SHANK2: variants seen among roughly 807,000 people sequenced by gnomAD.
SHANK2 encodes SH3 and multiple ankyrin repeat domains protein 2.
A neutral mutation model predicts 133.7 loss-of-function variants in SHANK2; 43 were observed. The ratio of observed to expected loss-of-function variants is 0.32; its 90% confidence interval spans 0.25 to 0.41. The LOEUF (loss-of-function observed/expected upper bound fraction) is 0.41, where lower values mean the gene tolerates loss of function less well. Ranked by LOEUF, SHANK2 falls within the 10% of genes least tolerant of loss-of-function variation. The pLI, the probability that SHANK2 is intolerant of heterozygous loss-of-function variation, is 1.00. For missense variants in SHANK2, 1,994 were observed against 2,235.8 expected, an observed-to-expected ratio of 0.89 and a Z score of 2.18; for synonymous variants, 1,017 against 952.8, an observed-to-expected ratio of 1.07 and a Z score of -1.24.
At chr11:70,729,073 G>A (rs895679547) in intron 14 of SHANK2, among the ~76,000 whole-genome samples, 5 of 151,964 alleles carry the variant, frequency 3.3e-5, no homozygotes, top group African/African-American at 4.8e-5. Flanking sequence ...GTGTGGTGGC[G>A]GGTGCTTGTA....
At chr11:70,952,338 C>A (rs1235322064) in intron 10 of SHANK2, among the ~76,000 whole-genome samples, 2 of 152,174 alleles carry the variant, frequency 1.3e-5, no homozygotes, top group African/African-American at 4.8e-5. Flanking sequence ...GAAACAAGTT[C>A]CATCTTGTTC....
intron 2 of SHANK2, among the ~76,000 whole-genome samples, chr11:71,206,862 G>C (rs1254623501): frequency 6.6e-6 from 1 of 152,078 alleles, no homozygotes; most frequent in Non-Finnish European, 1.5e-5. Flanking sequence ...GCTTGCTTGA[G>C]GCCAGGAGTT....
At chr11:71,101,496 C>T (rs1056195573) in intron 6 of SHANK2, among the ~76,000 whole-genome samples, 1 of 152,232 alleles carries the variant, frequency 6.6e-6, no homozygotes, top group Admixed American at 6.5e-5. Flanking sequence ...GTTATTTACT[C>T]GAAGTCTTCC....
At chr11:71,133,159 GGGT>G (rs1952353036) in intron 3 of SHANK2, among the ~76,000 whole-genome samples, 1 of 148,192 alleles carries the variant, frequency 6.7e-6, no homozygotes, top group East Asian at 2.0e-4. Context: ...AGGGAGGGAG[GGGT>G]GAGGTGGGTA....
intron 17 of SHANK2, among the ~76,000 whole-genome samples, chr11:70,523,022 G>A (rs536995293): frequency 2.0e-4 from 30 of 152,320 alleles, no homozygotes; most frequent in African/African-American, 6.3e-4. Flanking sequence ...CGAGGTCTCC[G>A]GCAGAGGGCT....
At chr11:70,524,328 G>T (rs782426478) in intron 17 of SHANK2, among the ~76,000 whole-genome samples, 2 of 152,208 alleles carry the variant, frequency 1.3e-5, no homozygotes, top group Non-Finnish European at 2.9e-5. Context: ...CAGCGTGGAT[G>T]CACAGAGTCC....
chr11:70,723,299 GTC>G (rs57815500), intron 14 of SHANK2, among the ~76,000 whole-genome samples: 267 of 145,440 alleles, frequency 1.8e-3, no homozygotes, highest in Non-Finnish European at 2.2e-3. Context: ...TGGAGGGTCT[GTC>G]TCTCTCTCTC....
rs782550195 is a variant in SHANK2 at position 70,479,487 on chromosome 11, CAG to C, written c.4979+5825_4979+5826del. ...ACATCCCAGGTAGCCTGAACTCCCT[CAG>C]GGGCCTCTGGGACCTGGAGTTTCAC... On this transcript the variant is annotated intron_variant, in intron 25 of 25. Coordinates refer to ENST00000601538, the MANE Select transcript of SHANK2 (RefSeq NM_012309.5). This position sits in a 1 kb window ranked among gnomAD's most constrained non-coding sequence, Gnocchi z 4.4. Among the ~76,000 whole-genome samples the C allele has an allele frequency of 2.6e-5, 4 of 152,226 alleles. No homozygotes were observed. Among genetic ancestry groups the C allele is most frequent in the Non-Finnish European group, 5.9e-5 (4 of 68,034 alleles).
At chr11:70,920,274 T>C (rs1319966927) in intron 10 of SHANK2, among the ~76,000 whole-genome samples, 2 of 152,154 alleles carry the variant, frequency 1.3e-5, no homozygotes, top group African/African-American at 2.4e-5. Context: ...TATGCATGTA[T>C]GTAGAGATGG....
intron 17 of SHANK2, among the ~76,000 whole-genome samples, chr11:70,532,399 G>T (rs781937640): frequency 7.9e-5 from 12 of 152,162 alleles, no homozygotes; most frequent in Admixed American, 1.3e-4. Context: ...TAGAGTGGGG[G>T]GCCTTCTCAC....
At chr11:71,101,870 G>A (rs770209821) in intron 6 of SHANK2, among the ~76,000 whole-genome samples, 2 of 152,160 alleles carry the variant, frequency 1.3e-5, no homozygotes, top group African/African-American at 2.4e-5. Flanking sequence ...GGGGGCGGCC[G>A]AATGGGAGGA....
chr11:70,787,141 G>C (rs1335409159), intron 14 of SHANK2, among the ~76,000 whole-genome samples: 31 of 62,734 alleles, frequency 4.9e-4, no homozygotes, highest in African/African-American at 1.1e-3. Context: ...CCATCACCAA[G>C]ATCACCACCA....
At chr11:70,843,049 C>T (rs182327498) in intron 11 of SHANK2, among the ~76,000 whole-genome samples, 3 of 152,314 alleles carry the variant, frequency 2.0e-5, no homozygotes, top group Admixed American at 6.5e-5. Context: ...ACTCCCAGAG[C>T]GGGCTGGGCA....
intron 17 of SHANK2, among the ~76,000 whole-genome samples, chr11:70,580,700 C>T (rs1427191985): frequency 5.3e-5 from 8 of 152,342 alleles, no homozygotes; most frequent in Non-Finnish European, 8.8e-5. Flanking sequence ...GGCCTGAGGC[C>T]GCTTCCCCGC....
chr11:70,500,736 G>T lies in SHANK2; in HGVS notation c.2288-146C>A. 1 of 1,059,960 alleles carries T rather than the reference G, an allele frequency of 9.4e-7. No individual in the cohort carries two copies. 65.7% of individuals were successfully genotyped at this position (1,059,960 alleles called of 1,614,324 possible). A position where few individuals can be genotyped will look rare whatever the true frequency, so the allele number is the denominator to read the frequency against. On this transcript the variant is annotated intron_variant, in intron 20 of 25. Coordinates refer to ENST00000601538, the MANE Select transcript of SHANK2 (RefSeq NM_012309.5). This position sits in a 1 kb window ranked among gnomAD's most constrained non-coding sequence, Gnocchi z 4.5. ...AGGCAGGGGCTGTCTGGAACGCTGCGAACGCAGGCTGCGCTATCCATGGAG... is the reference window on the plus strand; with the variant it reads ...AGGCAGGGGCTGTCTGGAACGCTGCTAACGCAGGCTGCGCTATCCATGGAG...
chr11:71,091,274 C>T (rs532751072), intron 8 of SHANK2, among the ~76,000 whole-genome samples: 4 of 152,218 alleles, frequency 2.6e-5, no homozygotes, highest in South Asian at 2.1e-4. Context: ...ACTCATCCCT[C>T]GGGAGGAACA....
At chr11:70,867,974 A>T (rs1555069407) in intron 11 of SHANK2, among the ~76,000 whole-genome samples, 1 of 152,150 alleles carries the variant, frequency 6.6e-6, no homozygotes, top group Non-Finnish European at 1.5e-5. Context: ...CTCTAAATTG[A>T]TCAGTGTCAA....
chr11:71,180,430 G>A (rs555740943), intron 2 of SHANK2, among the ~76,000 whole-genome samples: 1 of 152,270 alleles, frequency 6.6e-6, no homozygotes, highest in South Asian at 2.1e-4. Context: ...AGTTAAAACA[G>A]CTTTTCCTAC....
intron 17 of SHANK2, among the ~76,000 whole-genome samples, chr11:70,593,798 G>C (rs1437325120): frequency 1.3e-5 from 2 of 152,190 alleles, no homozygotes; most frequent in Non-Finnish European, 2.9e-5. Flanking sequence ...CAGCTGGAGG[G>C]ACCTATGCAA....
Sources: gnomAD v4.1 joint callset for allele counts (sites outside exome capture counted in the v4.1 genomes callset) on GRCh38, gnomAD v4.1.1 for gene constraint, Gnocchi (gnomAD v3.1) non-coding constraint, MANE v1.5 for transcripts, NCBI Gene and HGNC (gene_info 2026-07-23, HGNC 2026-07-21) for gene names.